Variants in RNF123 observed in about 807,000 individuals in gnomAD.
The protein encoded by RNF123 is E3 ubiquitin-protein ligase RNF123.
A neutral mutation model predicts 168.5 loss-of-function variants in RNF123; 86 were observed. That is an observed-to-expected ratio of 0.51 (90% CI 0.43 to 0.61). RNF123 has a LOEUF of 0.61. RNF123 is among the 20% of genes least tolerant of loss of function. RNF123 has a pLI of 0.00. For missense variants in RNF123, 1,419 were observed against 1,729.7 expected, an observed-to-expected ratio of 0.82 and a Z score of 3.19; for synonymous variants, 666 against 689.1, an observed-to-expected ratio of 0.97 and a Z score of 0.52.
At chr3:49,713,167 GC>G in intron 27 of RNF123, 1 of 591,006 alleles carries the variant, frequency 1.7e-6, no homozygotes, top group Non-Finnish European at 3.0e-6. Context: ...CCCCTAGCCT[GC>G]CCCCTGCCCA....
chr3:49,702,662 C>T lies in RNF123; in HGVS notation c.1659C>T (p.Tyr553=), dbSNP rs778273416. The T allele has an allele frequency of 6.2e-7, 1 of 1,614,242 alleles. No homozygotes were observed. Among genetic ancestry groups the T allele is most frequent in the Non-Finnish European group, 8.5e-7 (1 of 1,180,034 alleles). The change falls in exon 20 of 39, where the codon TAC becomes TAT. Residue 553 remains tyrosine (Y), a synonymous_variant. Coordinates refer to ENST00000327697, the MANE Select transcript of RNF123 (RefSeq NM_022064.5). Reference sequence around the variant, plus strand: ...TGCCCATGCTCTGCCCCCCTGAGTACATGGTCTGCTTCTTACACCGGCTGA... The same window carrying T: ...TGCCCATGCTCTGCCCCCCTGAGTATATGGTCTGCTTCTTACACCGGCTGA... ...GNMPMLCPPE[Y]MVCFLHRLIS... is the part of the protein sequence containing the mutation.
chr3:49,693,567 G>A (rs1239530384), intron 3 of RNF123, among the ~76,000 whole-genome samples: 1 of 151,668 alleles, frequency 6.6e-6, no homozygotes, highest in Non-Finnish European at 1.5e-5. Flanking sequence ...ATGTTGGCCA[G>A]GCTGGTCTCG....
In RNF123 at chr3:49,721,381, T is replaced by C; in HGVS notation, c.*76T>C. On this transcript the variant is annotated 3_prime_UTR_variant, in exon 39 of 39. Transcript: ENST00000327697. Reference sequence around the variant, plus strand: ...GGCTGGGCCCTATTTATGAGCTCCCTTTGCCCTTCTCCTGTATCCCACACC... The same window carrying C: ...GGCTGGGCCCTATTTATGAGCTCCCCTTGCCCTTCTCCTGTATCCCACACC... 6.3e-7 allele frequency: 1 copy of C among 1,586,420 alleles called. No individual in the cohort carries two copies. Among genetic ancestry groups the C allele is most frequent in the Middle Eastern group, 1.7e-4 (1 of 6,022 alleles).
At chr3:49,696,072 C>T (rs1393190595) in intron 3 of RNF123, among the ~76,000 whole-genome samples, 2 of 152,220 alleles carry the variant, frequency 1.3e-5, no homozygotes, top group Non-Finnish European at 2.9e-5. Context: ...CACAGACTCC[C>T]CTGGCTGGGT....
chr3:49,703,176 C>T (rs1034401554), intron 20 of RNF123, among the ~76,000 whole-genome samples: 8 of 152,168 alleles, frequency 5.3e-5, no homozygotes, highest in African/African-American at 1.2e-4. Flanking sequence ...CCTGAGTGAA[C>T]GGCTGCCATG....
In RNF123 at chr3:49,698,083, C is replaced by G; in HGVS notation, c.429C>G (p.Ser143=). ...GKWLYEVLIS[S]QGLMQIGWCT... The stretch of plus-strand genomic sequence containing the variant: ...GGCTCTACGAGGTCCTCATCTCCTC[C>G]CAGGGGCTCATGCAGATCGGCTGGT... The change falls in exon 7 of 39, where the codon TCC becomes TCG. Residue 143 remains serine (S), a synonymous_variant. Coordinates refer to ENST00000327697, the MANE Select transcript of RNF123 (RefSeq NM_022064.5). 2 of 1,614,062 alleles carry G rather than the reference C, an allele frequency of 1.2e-6. No individual in the cohort carries two copies. Among genetic ancestry groups the G allele is most frequent in the Non-Finnish European group, 8.5e-7 (1 of 1,179,984 alleles).
intron 19 of RNF123, 50 bp from the exon 20 acceptor site, chr3:49,702,583 G>A: frequency 1.9e-6 from 3 of 1,613,950 alleles, no homozygotes; most frequent in Non-Finnish European, 2.5e-6. Context: ...TGAGGAATGG[G>A]CAAGGCACTG....
At position 49,698,745 on chromosome 3, in the gene RNF123, C is replaced by T. The variant is rs749683118; in HGVS notation, c.571-10C>T. 13 of 1,613,012 alleles carry T rather than the reference C, an allele frequency of 8.1e-6. No individual in the cohort carries two copies. The highest frequency in any genetic ancestry group is 1.3e-5 in the African/African-American group (1 of 74,894). On this transcript the variant is annotated splice_polypyrimidine_tract_variant and intron_variant, in intron 8 of 38. Transcript: ENST00000327697. ...TTCTGTGCATCTGGTGAGGCCTCCT[C>T]TCATGGCAGGCGTGGGCAGCGGGGG...
Position 49,701,506 on chromosome 3 carries a change from C to T in RNF123, c.1293C>T (p.Arg431=), listed in dbSNP as rs1415230935. 2.5e-6 allele frequency: 4 copies of T among 1,613,540 alleles called. No individual in the cohort carries two copies. Among genetic ancestry groups the T allele is most frequent in the Non-Finnish European group, 3.4e-6 (4 of 1,179,926 alleles). Residue 431 remains arginine, a synonymous_variant, in exon 16 of 39, where the codon CGC becomes CGT. Transcript: ENST00000327697. ...CACCCGCCAGCTTCGACGTGCTCCGCTCCGTCGTCTTCTTTTACATCAAGA... is the reference window on the plus strand; with the variant it reads ...CACCCGCCAGCTTCGACGTGCTCCGTTCCGTCGTCTTCTTTTACATCAAGA... ...LLSNVLFDVL[R]SVVFFYIKSP... is the part of the protein sequence containing the mutation.
chr3:49,695,601 A>G (rs2054252558), intron 3 of RNF123, among the ~76,000 whole-genome samples: 1 of 152,160 alleles, frequency 6.6e-6, no homozygotes, highest in Non-Finnish European at 1.5e-5. Context: ...AGTGGCTTAC[A>G]CTGGGGAATA....
intron 21 of RNF123, among the ~76,000 whole-genome samples, 153 bp downstream of exon 21, chr3:49,703,681 G>A (rs1371367368): frequency 6.6e-5 from 10 of 152,194 alleles, no homozygotes; most frequent in Admixed American, 5.9e-4. Context: ...TGATCTGCCT[G>A]CCCTACATCT....
rs2080185500 is a variant in RNF123 at position 49,713,646 on chromosome 3, C to T, written c.2749+59C>T. On this transcript the variant is annotated intron_variant, in intron 28 of 38. Coordinates refer to ENST00000327697, the MANE Select transcript of RNF123 (RefSeq NM_022064.5). ...GGGATGGGATGGCACCTCTGGTCGG[C>T]TTTCTTCTATGAAAAATGTGGCCAG... is the stretch of plus-strand genomic sequence containing the variant. 8.2e-6 allele frequency: 13 copies of T among 1,579,976 alleles called. No individual in the cohort carries two copies. The South Asian group carries it at 1.5e-4, about 18-fold the overall frequency.
chr3:49,719,550 G>C, intron 35 of RNF123: 1 of 1,191,172 alleles, frequency 8.4e-7, no homozygotes, highest in Non-Finnish European at 1.2e-6. Context: ...AGTGCGACAT[G>C]GGTGGCACCG....
chr3:49,691,351 G>A, intron 2 of RNF123, 74 bp from the exon 3 acceptor site: 2 of 1,595,068 alleles, frequency 1.3e-6, no homozygotes, highest in Non-Finnish European at 1.7e-6. Context: ...AGGACCAGAA[G>A]TCTCTGGGGC....
At chr3:49,707,229 T>C (rs1429272812) in intron 26 of RNF123, among the ~76,000 whole-genome samples, 5 of 150,996 alleles carry the variant, frequency 3.3e-5, no homozygotes, top group African/African-American at 7.3e-5. Context: ...CTCTGCAGTC[T>C]TTCCCGGAGG....
chr3:49,704,777 G>A lies in RNF123; in HGVS notation c.1959+21G>A, dbSNP rs761799141. 1.4e-5 allele frequency: 21 copies of A among 1,551,820 alleles called. No homozygotes were observed. In the East Asian group the frequency reaches 2.3e-4, roughly 17 times the overall value. On this transcript the variant is annotated intron_variant, in intron 22 of 38. Transcript: ENST00000327697. ...CCCAGGTGCCGCAGTGGGGGCAGGC[G>A]GTGGGATTTGTGTTGGGCTTATCCT...
intron 1 of RNF123, 39 bp from the exon 2 acceptor site, chr3:49,691,091 T>C: frequency 7.0e-7 from 1 of 1,427,660 alleles, no homozygotes. Flanking sequence ...TGGGGGCCCC[T>C]GGCTGGCCCT....
Position 49,700,312 on chromosome 3 carries a change from T to TG in RNF123, c.1072dup (p.Val358GlyfsTer58), listed in dbSNP as rs779125932. ...GGCACACCCACACAGGCACAGTCCG[T>TG]GGTGCACCAGGTCCTGGACCTCTTG... is the stretch of plus-strand genomic sequence containing the variant. On this transcript the variant is annotated frameshift_variant, in exon 13 of 39. Transcript: ENST00000327697. LOFTEE classifies it high-confidence loss of function. 2 of 1,614,250 alleles carry TG rather than the reference T, an allele frequency of 1.2e-6. No homozygotes were observed. Among genetic ancestry groups the TG allele is most frequent in the South Asian group, 2.2e-5 (2 of 91,092 alleles).
rs1026912224 is a variant in RNF123 at position 49,700,598 on chromosome 3, G to A, written c.1203+34G>A. 2.5e-6 allele frequency: 4 copies of A among 1,614,002 alleles called. No individual in the cohort carries two copies. In the African/African-American group the frequency reaches 5.3e-5, roughly 22 times the overall value. On this transcript the variant is annotated intron_variant, in intron 14 of 38. Coordinates refer to ENST00000327697, the MANE Select transcript of RNF123 (RefSeq NM_022064.5). ...CCCTACCCCTGCCCTGAGCCCCCTGGGACTCGCCTGTCCACTCTGAACGCC... is the reference window on the plus strand; with the variant it reads ...CCCTACCCCTGCCCTGAGCCCCCTGAGACTCGCCTGTCCACTCTGAACGCC...
Sources: allele counts gnomAD v4.1 joint callset (sites outside exome capture counted in the v4.1 genomes callset), GRCh38; gene constraint gnomAD v4.1.1; transcripts MANE v1.5; gene names NCBI Gene and HGNC (gene_info 2026-07-23, HGNC 2026-07-21).